BACH2: variants seen among roughly 807,000 people sequenced by gnomAD.
BACH2 encodes transcription regulator protein BACH2.
In BACH2, 5 loss-of-function variants were observed where a neutral mutation model predicts 61.8. The observed-to-expected ratio is 0.08, with a 90% CI of 0.04 to 0.17. The LOEUF (loss-of-function observed/expected upper bound fraction) is 0.17. Ranked by LOEUF, BACH2 falls within the 10% of genes least tolerant of loss-of-function variation. BACH2 has a pLI of 1.00. For synonymous variants in BACH2, 446 were observed against 440.1 expected (o/e 1.01, Z -0.17); for missense variants, 824 against 1,091.1 (o/e 0.76, Z 3.45).
intron 4 of BACH2, among the ~76,000 whole-genome samples, chr6:90,168,920 G>C (rs1186673080): frequency 1.3e-5 from 2 of 152,142 alleles, no homozygotes; most frequent in Non-Finnish European, 2.9e-5. Flanking sequence ...TGAAAACTCG[G>C]TTTTGTAAAG....
chr6:90,116,917 T>C (rs1192109885), intron 4 of BACH2: 2 of 489,726 alleles, frequency 4.1e-6, no homozygotes, highest in Non-Finnish European at 7.0e-6. Context: ...TCTCTGACCA[T>C]TCCCTATGTC....
Position 89,931,003 on chromosome 6 carries a change from G to T in BACH2, c.*1405C>A, listed in dbSNP as rs1391497575. 1 of 152,404 alleles carries T rather than the reference G, an allele frequency of 6.6e-6. No homozygotes were observed. Among genetic ancestry groups the T allele is most frequent in the Non-Finnish European group, 1.5e-5 (1 of 68,092 alleles). The allele number at this position is 152,404 out of a possible 1,614,324, so 9.4% of individuals were successfully genotyped here. A position where few individuals can be genotyped will look rare whatever the true frequency, so the allele number is the denominator to read the frequency against. On this transcript the variant is annotated 3_prime_UTR_variant, in exon 9 of 9. Transcript: ENST00000257749. Reference sequence around the variant, plus strand: ...CCCCTCAGGCCAGATGTCCTGGGAGGCCAAGCCTGGGCAGGAAAGCCAGTG... The same window carrying T: ...CCCCTCAGGCCAGATGTCCTGGGAGTCCAAGCCTGGGCAGGAAAGCCAGTG...
chr6:90,295,261 A>T (rs945407604), intron 1 of BACH2, among the ~76,000 whole-genome samples: 1 of 152,114 alleles, frequency 6.6e-6, no homozygotes, highest in African/African-American at 2.4e-5. Context: ...CCGCGCCGGA[A>T]CTTCCCTCAA....
At chr6:90,145,086 T>C (rs1784574390) in intron 4 of BACH2, among the ~76,000 whole-genome samples, 1 of 152,186 alleles carries the variant, frequency 6.6e-6, no homozygotes. Context: ...TGGTGGTGAT[T>C]GCAGATGCAG....
At chr6:90,086,234 T>C (rs545236446) in intron 5 of BACH2, among the ~76,000 whole-genome samples, 12 of 152,310 alleles carry the variant, frequency 7.9e-5, no homozygotes, top group Non-Finnish European at 1.3e-4. Context: ...CATTCACCTG[T>C]AGATGGACAC....
At chr6:90,130,076 G>A (rs1784028536) in intron 4 of BACH2, among the ~76,000 whole-genome samples, 2 of 152,026 alleles carry the variant, frequency 1.3e-5, no homozygotes, top group Non-Finnish European at 2.9e-5. Context: ...TCACCATGTT[G>A]GTCAGGCTGG....
chr6:90,106,019 G>A (rs1241749277), intron 4 of BACH2, among the ~76,000 whole-genome samples: 23 of 152,148 alleles, frequency 1.5e-4, no homozygotes, highest in Admixed American at 1.5e-3. Flanking sequence ...GAGGGAAGAA[G>A]GAAACAGGGC....
At chr6:90,283,682 G>A (rs1239348486) in intron 1 of BACH2, among the ~76,000 whole-genome samples, 2 of 150,400 alleles carry the variant, frequency 1.3e-5, no homozygotes, top group Non-Finnish European at 3.0e-5. Context: ...GCCTCCTCAT[G>A]CATTTTTAAC....
intron 5 of BACH2, among the ~76,000 whole-genome samples, chr6:90,011,360 C>T (rs1177941000): frequency 1.3e-5 from 2 of 152,106 alleles, no homozygotes; most frequent in Non-Finnish European, 2.9e-5. Context: ...GTTGTTTTTA[C>T]ATGTATGAAT....
At chr6:90,031,468 C>A (rs373626090) in intron 5 of BACH2, among the ~76,000 whole-genome samples, 3 of 152,062 alleles carry the variant, frequency 2.0e-5, no homozygotes, top group South Asian at 2.1e-4. Context: ...TCTTCTCAGC[C>A]CAAAATCTCC....
chr6:90,213,519 G>A (rs1167792783), intron 3 of BACH2, among the ~76,000 whole-genome samples: 3 of 152,156 alleles, frequency 2.0e-5, no homozygotes, highest in African/African-American at 7.2e-5. Context: ...GAAAGCCAGG[G>A]AGAAGAGTAG....
intron 4 of BACH2, among the ~76,000 whole-genome samples, chr6:90,197,884 C>T (rs1768812443): frequency 6.6e-6 from 1 of 152,198 alleles, no homozygotes; most frequent in South Asian, 2.1e-4. Context: ...GATTCCAAAA[C>T]CAACAATCAC....
At chr6:89,970,633 C>A (rs1775304517) in intron 6 of BACH2, among the ~76,000 whole-genome samples, 2 of 152,284 alleles carry the variant, frequency 1.3e-5, no homozygotes, top group East Asian at 3.9e-4. Context: ...CTTTTCTGCA[C>A]CTGTACGGCC....
At chr6:90,153,003 A>G (rs1475811360) in intron 4 of BACH2, among the ~76,000 whole-genome samples, 1 of 152,198 alleles carries the variant, frequency 6.6e-6, no homozygotes, top group African/African-American at 2.4e-5. Flanking sequence ...TCTCGTATCA[A>G]ATCTAATTAA....
chr6:90,272,536 T>C (rs933915959), intron 1 of BACH2, among the ~76,000 whole-genome samples: 7 of 152,322 alleles, frequency 4.6e-5, no homozygotes, highest in African/African-American at 1.2e-4. Context: ...CTACTGCATA[T>C]GCTCTTCAAA....
chr6:90,243,980 G>A (rs1389265447), intron 3 of BACH2, among the ~76,000 whole-genome samples: 1 of 152,160 alleles, frequency 6.6e-6, no homozygotes, highest in Non-Finnish European at 1.5e-5. Flanking sequence ...GGAGTGCAGT[G>A]GCATGATCTC....
chr6:90,108,019 T>C (rs1783001091), intron 4 of BACH2, among the ~76,000 whole-genome samples: 2 of 152,194 alleles, frequency 1.3e-5, no homozygotes, highest in South Asian at 4.1e-4. Flanking sequence ...TTTCTCCTAC[T>C]GAGAACTATA....
At position 90,221,985 on chromosome 6, in the gene BACH2, C is replaced by G. The variant is rs577415569; in HGVS notation, c.-274-15304G>C. Among the ~76,000 whole-genome samples the G allele has an allele frequency of 4.1e-4, 62 of 152,176 alleles. No individual in the cohort carries two copies. The South Asian group carries it at 0.011, about 28-fold the overall frequency. ...GGTGAACTAAACCTGTAATTTAAAA[C>G]TTTTTAATAACCACATTAAACAAAT... On this transcript the variant is annotated intron_variant, in intron 3 of 8. Coordinates refer to ENST00000257749, the MANE Select transcript of BACH2 (RefSeq NM_021813.4).
intron 4 of BACH2, among the ~76,000 whole-genome samples, chr6:90,091,698 C>T (rs942855005): frequency 4.6e-5 from 7 of 152,078 alleles, no homozygotes; most frequent in Admixed American, 4.6e-4. Flanking sequence ...AATTTCTGCA[C>T]CCACTAATAC....
Sources: gnomAD v4.1 joint callset for allele counts (sites outside exome capture counted in the v4.1 genomes callset) on GRCh38, gnomAD v4.1.1 for gene constraint, MANE v1.5 for transcripts, NCBI Gene and HGNC (gene_info 2026-07-23, HGNC 2026-07-21) for gene names.